The following ASIC2 variants were observed in gnomAD, a reference collection of about 807,000 sequenced individuals.
ASIC2 encodes acid sensing ion channel subunit 2.
In ASIC2, 25 loss-of-function variants were observed where a neutral mutation model predicts 57.3. The observed-to-expected ratio is 0.44, with a 90% CI of 0.32 to 0.61. The LOEUF is 0.61. Among genes scored for constraint, ASIC2 ranks in the 20% least tolerant of loss-of-function variants. ASIC2 has a pLI of 0.06. For synonymous variants in ASIC2, 319 were observed against 307.5 expected (o/e 1.04, Z -0.39); for missense variants, 641 against 738.1 (o/e 0.87, Z 1.52).
At chr17:33,380,103 G>A (rs551590387) in intron 1 of ASIC2, among the ~76,000 whole-genome samples, 9 of 151,750 alleles carry the variant, frequency 5.9e-5, no homozygotes, top group African/African-American at 1.2e-4. Context: ...AAAATTAGCC[G>A]GGAGTGCTGG....
intron 1 of ASIC2, among the ~76,000 whole-genome samples, chr17:33,264,218 C>T (rs1239652345): frequency 2.0e-5 from 3 of 152,210 alleles, no homozygotes; most frequent in Non-Finnish European, 2.9e-5. Context: ...AGAGAAGCGC[C>T]CAGGATGGTG....
chr17:34,022,331 C>T (rs575525304), intron 1 of ASIC2, among the ~76,000 whole-genome samples: 17 of 152,308 alleles, frequency 1.1e-4, no homozygotes, highest in Non-Finnish European at 1.9e-4. Context: ...TAATTCCCCT[C>T]TATCTCTGGC....
chr17:33,237,953 C>T (rs979927237), intron 1 of ASIC2, among the ~76,000 whole-genome samples: 4 of 152,156 alleles, frequency 2.6e-5, no homozygotes, highest in Non-Finnish European at 5.9e-5. Flanking sequence ...ACTTCTCATA[C>T]ACTATCTCAC....
At chr17:33,668,613 C>T (rs1350205519) in intron 1 of ASIC2, among the ~76,000 whole-genome samples, 1 of 151,024 alleles carries the variant, frequency 6.6e-6, no homozygotes, top group South Asian at 2.1e-4. Flanking sequence ...AATTTGATCA[C>T]ATCTGCAAAG....
At chr17:34,039,026 T>C in intron 1 of ASIC2, 1 of 1,614,198 alleles carries the variant, frequency 6.2e-7, no homozygotes, top group Non-Finnish European at 8.5e-7. Context: ...CTACACGCCA[T>C]CTTCTCTTGT....
intron 1 of ASIC2, among the ~76,000 whole-genome samples, chr17:33,204,420 G>A (rs1906986960): frequency 6.6e-6 from 1 of 152,154 alleles, no homozygotes; most frequent in African/African-American, 2.4e-5. Flanking sequence ...TGCCACCCCC[G>A]GGAGTCAGGC....
chr17:33,713,788 C>A (rs1175190034), intron 1 of ASIC2, among the ~76,000 whole-genome samples: 1 of 152,202 alleles, frequency 6.6e-6, no homozygotes, highest in Non-Finnish European at 1.5e-5. Flanking sequence ...TTTTTAATAG[C>A]AAAGTAGTTA....
At chr17:33,897,484 G>A (rs1915125285) in intron 1 of ASIC2, among the ~76,000 whole-genome samples, 1 of 152,166 alleles carries the variant, frequency 6.6e-6, no homozygotes, top group African/African-American at 2.4e-5. Context: ...TACAACAAAT[G>A]GTTTAGAATG....
At chr17:33,323,577 G>A (rs751387554) in intron 1 of ASIC2, among the ~76,000 whole-genome samples, 4 of 152,166 alleles carry the variant, frequency 2.6e-5, no homozygotes, top group Non-Finnish European at 5.9e-5. Flanking sequence ...AGGCAGCTGT[G>A]GTGGCAGACG....
chr17:33,350,083 G>A (rs536937140), intron 1 of ASIC2, among the ~76,000 whole-genome samples: 2 of 152,186 alleles, frequency 1.3e-5, no homozygotes, highest in African/African-American at 2.4e-5. Context: ...ATGTCTTATC[G>A]GTTCTTCACA....
chr17:33,976,999 C>G (rs2142001679), intron 1 of ASIC2, among the ~76,000 whole-genome samples: 1 of 152,158 alleles, frequency 6.6e-6, no homozygotes, highest in South Asian at 2.1e-4. Context: ...GGAATGTCAA[C>G]AAGGCTTGCT....
chr17:33,462,415 G>A (rs1912669590), intron 1 of ASIC2, among the ~76,000 whole-genome samples: 1 of 152,196 alleles, frequency 6.6e-6, no homozygotes, highest in Non-Finnish European at 1.5e-5. Flanking sequence ...TTGTTCCTAT[G>A]TGGATAAGGT....
intron 1 of ASIC2, among the ~76,000 whole-genome samples, chr17:34,043,110 T>G (rs1908198488): frequency 6.6e-6 from 1 of 152,096 alleles, no homozygotes; most frequent in South Asian, 2.1e-4. Context: ...TGTTAGAAAT[T>G]AAGAGAGCAT....
intron 1 of ASIC2, among the ~76,000 whole-genome samples, chr17:33,395,305 G>C (rs72821157): frequency 3.3e-5 from 5 of 152,024 alleles, no homozygotes; most frequent in African/African-American, 1.2e-4. Flanking sequence ...ACAAAAGAAA[G>C]AGGTTTAATT....
At chr17:33,934,885 C>A (rs148344557) in intron 1 of ASIC2, among the ~76,000 whole-genome samples, 1 of 152,192 alleles carries the variant, frequency 6.6e-6, no homozygotes. Context: ...TCTCACAGAC[C>A]TGTAGTGCCA....
rs189955983 is a variant in ASIC2 at position 33,552,542 on chromosome 17, C to G, written c.556-440475G>C. Among the ~76,000 whole-genome samples the G allele has an allele frequency of 3.3e-5, 5 of 152,348 alleles. No individual in the cohort carries two copies. The East Asian group carries it at 7.7e-4, about 24-fold the overall frequency. On this transcript the variant is annotated intron_variant, in intron 1 of 9. Coordinates refer to the ASIC2 transcript ENST00000359872. ...GTGGGTTCCAGTTCCAGCTCTTGCACTTTCTGACATGACTGCAGTTTCCTA... is the reference window on the plus strand; with the variant it reads ...GTGGGTTCCAGTTCCAGCTCTTGCAGTTTCTGACATGACTGCAGTTTCCTA...
chr17:33,024,508 T>C (rs189951585), intron 5 of ASIC2, among the ~76,000 whole-genome samples: 1 of 152,320 alleles, frequency 6.6e-6, no homozygotes, highest in African/African-American at 2.4e-5. Context: ...GGCAACTCCC[T>C]GCATCTGGAA....
intron 7 of ASIC2, among the ~76,000 whole-genome samples, chr17:33,019,588 C>T (rs1030950687): frequency 2.6e-5 from 4 of 151,848 alleles, no homozygotes; most frequent in South Asian, 2.1e-4. Context: ...GAGAAAGGGC[C>T]GTGCGGTGCT....
chr17:33,183,067 T>A (rs947728373), intron 1 of ASIC2, among the ~76,000 whole-genome samples: 1 of 152,104 alleles, frequency 6.6e-6, no homozygotes, highest in African/African-American at 2.4e-5. Flanking sequence ...GAAAATGAGG[T>A]TTGGAGAGGT....
Sources: gnomAD v4.1 joint callset for allele counts (sites outside exome capture counted in the v4.1 genomes callset) on GRCh38, gnomAD v4.1.1 for gene constraint, MANE v1.5 for transcripts, NCBI Gene and HGNC (gene_info 2026-07-23, HGNC 2026-07-21) for gene names.